Variants in SLC2A9 observed in about 807,000 individuals in gnomAD.
SLC2A9 encodes the protein solute carrier family 2, facilitated glucose transporter member 9.
Under a neutral mutation model 50.6 loss-of-function variants are expected in SLC2A9, and 39 were observed. That is an observed-to-expected ratio of 0.77 (90% CI 0.60 to 1.01). SLC2A9 has a LOEUF of 1.01. SLC2A9 is among the 50% of genes least tolerant of loss of function. The probability of loss-of-function intolerance (pLI) is 0.00; values close to 1 mark genes in which losing one functional copy is unlikely to be tolerated. For missense variants in SLC2A9, 686 were observed against 677.6 expected, an observed-to-expected ratio of 1.01 and a Z score of -0.14; for synonymous variants, 324 against 276.9, an observed-to-expected ratio of 1.17 and a Z score of -1.69.
At chr4:9,870,992 T>C (rs751087090) in intron 10 of SLC2A9, among the ~76,000 whole-genome samples, 1 of 152,162 alleles carries the variant, frequency 6.6e-6, no homozygotes, top group Non-Finnish European at 1.5e-5. Flanking sequence ...TCTTAGCTCA[T>C]TGCAACCTTC....
chr4:10,017,941 G>A (rs1266252944), intron 2 of SLC2A9, among the ~76,000 whole-genome samples: 1 of 152,002 alleles, frequency 6.6e-6, no homozygotes, highest in African/African-American at 2.4e-5. Context: ...CCTACATCCC[G>A]GCCCCCCATC....
At chr4:9,889,722 T>A (rs932702196) in intron 9 of SLC2A9, among the ~76,000 whole-genome samples, 1 of 152,204 alleles carries the variant, frequency 6.6e-6, no homozygotes, top group African/African-American at 2.4e-5. Context: ...CCAGATGCAT[T>A]TTTGAAAAAT....
intron 2 of SLC2A9, among the ~76,000 whole-genome samples, chr4:10,003,669 A>C (rs896136331): frequency 2.0e-5 from 3 of 152,208 alleles, no homozygotes; most frequent in Non-Finnish European, 1.5e-5. Flanking sequence ...CCAGTGATGA[A>C]GTTTGCTCAG....
At chr4:9,897,110 C>T (rs1482581032) in intron 8 of SLC2A9, among the ~76,000 whole-genome samples, 2 of 152,214 alleles carry the variant, frequency 1.3e-5, no homozygotes, top group Non-Finnish European at 2.9e-5. Context: ...TAAGGTTGCA[C>T]AGTGAGTCAG....
intron 6 of SLC2A9, among the ~76,000 whole-genome samples, chr4:9,926,326 C>T (rs1397593638): frequency 6.7e-6 from 1 of 148,178 alleles, no homozygotes; most frequent in Admixed American, 6.8e-5. Context: ...TGGTGCTCAC[C>T]AATGCAAACA....
At chr4:9,853,530 T>C (rs1730286953) in intron 10 of SLC2A9, among the ~76,000 whole-genome samples, 1 of 152,154 alleles carries the variant, frequency 6.6e-6, no homozygotes, top group Non-Finnish European at 1.5e-5. Flanking sequence ...CAAGGAGACA[T>C]AGGTAACCAC....
At chr4:9,966,359 A>G (rs1263389496) in intron 5 of SLC2A9, among the ~76,000 whole-genome samples, 1 of 152,236 alleles carries the variant, frequency 6.6e-6, no homozygotes, top group Non-Finnish European at 1.5e-5. Context: ...CTTTTTCAGT[A>G]ATAAACACAC....
intron 1 of SLC2A9, among the ~76,000 whole-genome samples, chr4:10,030,965 G>T (rs1311770547): frequency 6.6e-6 from 1 of 152,096 alleles, no homozygotes; most frequent in Non-Finnish European, 1.5e-5. Flanking sequence ...TAGCTGCAGA[G>T]AACTCAACCC....
At chr4:9,817,329 A>T (rs2109022767) in intron 3 of SLC2A9, among the ~76,000 whole-genome samples, 1 of 152,272 alleles carries the variant, frequency 6.6e-6, no homozygotes, top group East Asian at 1.9e-4. Flanking sequence ...TATACTACCC[A>T]TTCATTAACT....
chr4:9,886,157 C>G lies in SLC2A9; in HGVS notation c.1291+1410G>C, dbSNP rs576221330. Among the ~76,000 whole-genome samples, 15 of 152,248 alleles carry G rather than the reference C, an allele frequency of 9.9e-5. No homozygotes were observed. In the South Asian group the frequency reaches 2.3e-3, roughly 23 times the overall value. ...GGACTTCCACACCAGAGGCAAGCCC[C>G]TCTGGGAGCAGAGACTGCTCCTGTC... is the stretch of plus-strand genomic sequence containing the variant. On this transcript the variant is annotated intron_variant, in intron 10 of 11. Transcript: ENST00000264784.
chr4:9,774,382 C>T (rs368251638), intron 1 of SLC2A9, among the ~76,000 whole-genome samples: 49 of 152,184 alleles, frequency 3.2e-4, no homozygotes, highest in East Asian at 9.6e-4. Context: ...AGCTTCCTGC[C>T]TCTGAGCCTT....
intron 3 of SLC2A9, among the ~76,000 whole-genome samples, chr4:9,802,562 T>TTC (rs1721582957): frequency 1.2e-5 from 1 of 86,120 alleles, no homozygotes; most frequent in African/African-American, 5.3e-5. Context: ...TTCTTTTCTT[T>TTC]TTTTTTTTTT....
chr4:9,970,283 C>G (rs1050463601), intron 5 of SLC2A9, among the ~76,000 whole-genome samples: 1 of 152,198 alleles, frequency 6.6e-6, no homozygotes, highest in Non-Finnish European at 1.5e-5. Context: ...ACATTCCTGA[C>G]TCTACTTCAC....
Position 9,910,650 on chromosome 4 carries a change from T to C in SLC2A9, c.1003-2305A>G, listed in dbSNP as rs6840984. On this transcript the variant is annotated intron_variant, in intron 7 of 11. Transcript: ENST00000264784. Reference sequence around the variant, plus strand: ...CTCATGGTCCTGAGGCTCCCAGCCCTAGGTCCCACTTAATGTGAATCCTCT... The same window carrying C: ...CTCATGGTCCTGAGGCTCCCAGCCCCAGGTCCCACTTAATGTGAATCCTCT... Among the ~76,000 whole-genome samples the C allele has an allele frequency of 8.9e-3, 1,352 of 152,334 alleles. 21 individuals carry two copies. Among genetic ancestry groups the C allele is most frequent in the African/African-American group, 0.03 (1,253 of 41,570 alleles).
At chr4:9,981,038 G>A (rs1056466459) in intron 4 of SLC2A9, among the ~76,000 whole-genome samples, 1 of 152,024 alleles carries the variant, frequency 6.6e-6, no homozygotes, top group African/African-American at 2.4e-5. Flanking sequence ...TGATGGTAGT[G>A]ATGGTGGTGG....
At chr4:10,017,746 T>C (rs1453191003) in intron 2 of SLC2A9, among the ~76,000 whole-genome samples, 1 of 151,694 alleles carries the variant, frequency 6.6e-6, no homozygotes, top group Non-Finnish European at 1.5e-5. Context: ...CCAAAACAGC[T>C]TGTGCTCCAA....
At chr4:9,814,052 A>G (rs1233868615) in intron 3 of SLC2A9, among the ~76,000 whole-genome samples, 3 of 152,254 alleles carry the variant, frequency 2.0e-5, no homozygotes, top group Non-Finnish European at 4.4e-5. Flanking sequence ...AGGCAGGAGA[A>G]TCGCTTGAAC....
upstream of SLC2A9, among the ~76,000 whole-genome samples, chr4:10,024,706 T>G (rs116064214): frequency 0.013 from 1,932 of 152,246 alleles, 37 homozygotes; most frequent in African/African-American, 0.044. Flanking sequence ...AGGGACAGGG[T>G]CCAGTAGATA....
rs76856001 is a variant in SLC2A9 at position 9,915,016 on chromosome 4, A to G, written c.1002+5369T>C. 1.6e-3 allele frequency among the ~76,000 whole-genome samples: 246 copies of G among 152,336 alleles called. 2 individuals are homozygous for G. Among genetic ancestry groups the G allele is most frequent in the African/African-American group, 5.6e-3 (233 of 41,588 alleles). On this transcript the variant is annotated intron_variant, in intron 7 of 11. Coordinates refer to ENST00000264784, the MANE Select transcript of SLC2A9 (RefSeq NM_020041.3). ...AATCTAACCTCACACTGACCTAGCC[A>G]TTAGCCCAATGAATGATACCACCTT...
Sources: allele counts gnomAD v4.1 joint callset (sites outside exome capture counted in the v4.1 genomes callset), GRCh38; gene constraint gnomAD v4.1.1; transcripts MANE v1.5; gene names NCBI Gene and HGNC (gene_info 2026-07-23, HGNC 2026-07-21).